The following UTP20 variants were observed in gnomAD, a reference collection of about 807,000 sequenced individuals.
UTP20 encodes UTP20 small subunit processome component.
In UTP20, 164 loss-of-function variants were observed where a neutral mutation model predicts 329.5. The observed-to-expected ratio is 0.50, with a 90% CI of 0.44 to 0.57. The LOEUF (loss-of-function observed/expected upper bound fraction) is 0.57, where lower values mean the gene tolerates loss of function less well. Ranked by LOEUF, UTP20 falls within the 20% of genes least tolerant of loss-of-function variation. The pLI is 0.00. For missense variants in UTP20, 3,055 were observed against 3,284.2 expected (o/e 0.93, Z 1.71); for synonymous variants, 1,151 against 1,159.3 (o/e 0.99, Z 0.14).
intron 51 of UTP20, among the ~76,000 whole-genome samples, chr12:101,372,571 C>T (rs1169386780): frequency 4.6e-5 from 7 of 152,224 alleles, no homozygotes; most frequent in Admixed American, 3.3e-4. Flanking sequence ...ACACCTGTCA[C>T]CACCTGTCAC....
chr12:101,329,072 A>G (rs1868665621), intron 26 of UTP20, among the ~76,000 whole-genome samples, 169 bp from the exon 27 acceptor site: 1 of 152,146 alleles, frequency 6.6e-6, no homozygotes, highest in Non-Finnish European at 1.5e-5. Context: ...AGTATTTGGT[A>G]AGAGTCAAAA....
intron 38 of UTP20, among the ~76,000 whole-genome samples, chr12:101,349,018 G>T (rs1477900536): frequency 6.6e-6 from 1 of 151,910 alleles, no homozygotes; most frequent in Non-Finnish European, 1.5e-5. Flanking sequence ...AGATTGACAG[G>T]TTTATTGTTT....
Position 101,281,183 on chromosome 12 carries a change from C to A in UTP20, c.113C>A (p.Ala38Glu), listed in dbSNP as rs138442594. ...ATTATTCACCGGATTGATAGAACTG[C>A]AAGCTATGAGGAGGTAAGAGAATGT... ...IDIIHRIDRT[A>E]SYEEEVETYF... is the part of the protein sequence containing the mutation. The change falls in exon 2 of 62, where the codon GCA (alanine) becomes GAA (glutamate). Residue 38 changes from alanine to glutamate, a missense_variant. Transcript: ENST00000261637. The A allele has an allele frequency of 5.6e-6, 9 of 1,613,076 alleles. No individual in the cohort carries two copies. Among genetic ancestry groups the A allele is most frequent in the Non-Finnish European group, 7.6e-6 (9 of 1,179,428 alleles).
rs1872221897 is a variant in UTP20 at position 101,293,115 on chromosome 12, T to G, written c.1174-53T>G. 6.4e-6 allele frequency: 10 copies of G among 1,552,952 alleles called. No individual in the cohort carries two copies. In the Admixed American group the frequency reaches 1.7e-4, roughly 26 times the overall value. ...CTTCTATAGCTGCTTGCTGGGGGGATGGGGAAAATACTCTCTGTGTACTTA... is the reference window on the plus strand; with the variant it reads ...CTTCTATAGCTGCTTGCTGGGGGGAGGGGGAAAATACTCTCTGTGTACTTA... On this transcript the variant is annotated intron_variant, in intron 10 of 61. Transcript: ENST00000261637.
At chr12:101,339,732 C>T (rs76258008) in intron 31 of UTP20, among the ~76,000 whole-genome samples, 2 of 151,962 alleles carry the variant, frequency 1.3e-5, no homozygotes, top group Non-Finnish European at 2.9e-5. Context: ...ATTGTGATTT[C>T]GGTAAAGGGA....
At chr12:101,361,131 G>C (rs890563476) in intron 43 of UTP20, among the ~76,000 whole-genome samples, 3 of 152,136 alleles carry the variant, frequency 2.0e-5, no homozygotes, top group Admixed American at 6.6e-5. Flanking sequence ...CCATAGATTG[G>C]ATGAGTGAGG....
intron 16 of UTP20, 130 bp from the exon 17 acceptor site, chr12:101,306,569 G>A (rs1296285037): frequency 6.9e-6 from 5 of 727,802 alleles, no homozygotes; most frequent in Non-Finnish European, 1.1e-5. Flanking sequence ...GGCTAGAATA[G>A]GCACATATTA....
rs1405561915 is a variant in UTP20 at position 101,383,658 on chromosome 12, A to G, written c.8045A>G (p.Tyr2682Cys). ...APLFRELNST[Y>C]SEQDPLLKNL... ...TTGTTTCGGGAACTCAACAGCACCT[A>G]TTCAGAGCAAGGTAACCCTGCCTCG... Residue 2682 changes from tyrosine to cysteine, a missense_variant, in exon 60 of 62, where the codon TAT becomes TGT. Physicochemically the swap from Tyr to Cys is radical, Grantham distance 194 (BLOSUM62 -2). Transcript: ENST00000261637. The G allele has an allele frequency of 1.2e-6, 2 of 1,608,858 alleles. No homozygotes were observed. The highest frequency in any genetic ancestry group is 2.2e-5 in the East Asian group (1 of 44,702).
chr12:101,280,807 C>T (rs1871771657), intron 1 of UTP20, among the ~76,000 whole-genome samples: 1 of 152,152 alleles, frequency 6.6e-6, no homozygotes, highest in Non-Finnish European at 1.5e-5. Context: ...GCTAGGTCCC[C>T]ATGCTTATGG....
chr12:101,294,631 C>T (rs1872289431), intron 11 of UTP20, among the ~76,000 whole-genome samples: 1 of 151,798 alleles, frequency 6.6e-6, no homozygotes, highest in Non-Finnish European at 1.5e-5. Flanking sequence ...CAACCTCCAC[C>T]CTCCGGGTTC....
chr12:101,361,470 A>C (rs1254728578), intron 43 of UTP20, among the ~76,000 whole-genome samples: 2 of 151,812 alleles, frequency 1.3e-5, no homozygotes, highest in Non-Finnish European at 2.9e-5. Flanking sequence ...CAAAAAGTAC[A>C]AAAAAATTAG....
At chr12:101,284,008 G>A (rs1357727462) in intron 2 of UTP20, among the ~76,000 whole-genome samples, 1 of 151,602 alleles carries the variant, frequency 6.6e-6, no homozygotes, top group Non-Finnish European at 1.5e-5. Flanking sequence ...TGTAGATTTG[G>A]CATGCTGTTT....
Position 101,280,164 on chromosome 12 carries a change from A to G in UTP20, c.-119A>G, listed in dbSNP as rs1871744351. On this transcript the variant is annotated 5_prime_UTR_variant, in exon 1 of 62. Coordinates refer to ENST00000261637, the MANE Select transcript of UTP20 (RefSeq NM_014503.3). ...CCCAGGGGCTCAAGCCGCACGTGAG[A>G]AAGTCTGGGCATCTGGGAATCGGAG... The G allele has an allele frequency of 7.6e-7, 1 of 1,323,390 alleles. No individual in the cohort carries two copies. Among genetic ancestry groups the G allele is most frequent in the Non-Finnish European group, 1.0e-6 (1 of 965,690 alleles). 82.0% of individuals were successfully genotyped at this position (1,323,390 alleles called of 1,614,324 possible).
chr12:101,350,963 A>T (rs1869499043), intron 38 of UTP20, among the ~76,000 whole-genome samples: 1 of 152,104 alleles, frequency 6.6e-6, no homozygotes, highest in African/African-American at 2.4e-5. Context: ...CAGAAAGACC[A>T]CTGGGCTCTT....
At chr12:101,356,717 G>A (rs754574196) in intron 42 of UTP20, 24 bp downstream of exon 42, 1 of 1,586,448 alleles carries the variant, frequency 6.3e-7, no homozygotes, top group South Asian at 1.2e-5. Context: ...CAAATTAGAA[G>A]TTTAGTGAAA....
intron 58 of UTP20, 94 bp from the exon 59 acceptor site, chr12:101,382,947 T>C (rs1273586846): frequency 1.4e-6 from 2 of 1,449,134 alleles, no homozygotes; most frequent in Non-Finnish European, 1.8e-6. Flanking sequence ...TGTTTTCTAA[T>C]TGTAGAATAC....
At chr12:101,333,550 C>T in intron 28 of UTP20, 106 bp downstream of exon 28, 1 of 1,370,710 alleles carries the variant, frequency 7.3e-7, no homozygotes, top group Non-Finnish European at 9.9e-7. Flanking sequence ...CTGGGTCTTT[C>T]CTTTTACATC....
At chr12:101,346,303 G>A (rs1219281241) in intron 37 of UTP20, 148 bp from the exon 38 acceptor site, 14 of 840,378 alleles carry the variant, frequency 1.7e-5, no homozygotes, top group South Asian at 2.4e-5. Context: ...TGCCCATCTC[G>A]GCCTCCCGAG....
At chr12:101,304,424 T>A (rs1343331433) in intron 15 of UTP20, among the ~76,000 whole-genome samples, 1 of 152,262 alleles carries the variant, frequency 6.6e-6, no homozygotes, top group Non-Finnish European at 1.5e-5. Flanking sequence ...TTGCATTGAT[T>A]GTGTCACAAC....
Sources: allele counts gnomAD v4.1 joint callset (sites outside exome capture counted in the v4.1 genomes callset), GRCh38; gene constraint gnomAD v4.1.1; transcripts MANE v1.5; gene names NCBI Gene and HGNC (gene_info 2026-07-23, HGNC 2026-07-21).